SLC19A2: variants seen among roughly 807,000 people sequenced by gnomAD.
SLC19A2 encodes the protein solute carrier family 19 member 2.
SLC19A2 carries 27 observed loss-of-function variants against 44.7 expected under a neutral mutation model. The observed-to-expected ratio is 0.60, with a 90% CI of 0.45 to 0.83. SLC19A2 has a LOEUF of 0.83. SLC19A2 is among the 40% of genes least tolerant of loss of function. The pLI is 0.00. For missense variants in SLC19A2, 566 were observed against 613.7 expected (o/e 0.92, Z 0.82); for synonymous variants, 239 against 243.6 (o/e 0.98, Z 0.18).
At chr1:169,480,723 G>A (rs1571539982) in intron 1 of SLC19A2, among the ~76,000 whole-genome samples, 1 of 152,096 alleles carries the variant, frequency 6.6e-6, no homozygotes, top group African/African-American at 2.4e-5. Flanking sequence ...GTCCTCTACT[G>A]CTCCCTTCAA....
chr1:169,477,989 C>T (rs1432496430), intron 1 of SLC19A2, among the ~76,000 whole-genome samples: 1 of 152,124 alleles, frequency 6.6e-6, no homozygotes, highest in African/African-American at 2.4e-5. Context: ...TCACTGCAAC[C>T]TCTGCCTCCC....
intron 5 of SLC19A2, among the ~76,000 whole-genome samples, chr1:169,466,460 G>A (rs992075728): frequency 6.6e-6 from 1 of 152,088 alleles, no homozygotes; most frequent in Non-Finnish European, 1.5e-5. Flanking sequence ...CCCCAGAAGA[G>A]GGCAGCGGCA....
chr1:169,473,391 C>T (rs1038562053), intron 2 of SLC19A2, among the ~76,000 whole-genome samples: 2 of 149,026 alleles, frequency 1.3e-5, no homozygotes, highest in African/African-American at 2.5e-5. Flanking sequence ...TGCACCACCA[C>T]GCCCAGCTAG....
In SLC19A2 at chr1:169,477,569, A is replaced by G. The variant is rs1339768488; in HGVS notation, c.393T>C (p.Tyr131=). 1 of 1,614,106 alleles carries G rather than the reference A, an allele frequency of 6.2e-7. No individual in the cohort carries two copies. The highest frequency in any genetic ancestry group is 8.5e-7 in the Non-Finnish European group (1 of 1,180,044). ...CAATTTCAGTGGCTGTGGCGATGCC[A>G]TAAAAAAATTCTAGAAATTGAATGG... ...LLAIQFLEFF[Y]GIATATEIAY... The change falls in exon 2 of 6, where the codon TAT becomes TAC. Residue 131 remains tyrosine (Y), a synonymous_variant. Transcript: ENST00000236137.
intron 5 of SLC19A2, among the ~76,000 whole-genome samples, chr1:169,467,640 A>G (rs1026835062): frequency 1.3e-5 from 2 of 152,206 alleles, no homozygotes; most frequent in Non-Finnish European, 2.9e-5. Flanking sequence ...CAATAGTCAT[A>G]AGTTACAAAT....
chr1:169,466,155 G>C (rs578219713), intron 5 of SLC19A2, among the ~76,000 whole-genome samples, 178 bp from the exon 6 acceptor site: 3 of 152,188 alleles, frequency 2.0e-5, no homozygotes, highest in Non-Finnish European at 4.4e-5. Context: ...AAGCCTGACT[G>C]CCTGAGTGTG....
Position 169,465,794 on chromosome 1 carries a change from C to T in SLC19A2, c.*55G>A, listed in dbSNP as rs1475655068. ...CTACGCTTTAAAAAATCAAACACATCCAGGCAGTTGCTGTGCAGAGTTCTT... is the reference window on the plus strand; with the variant it reads ...CTACGCTTTAAAAAATCAAACACATTCAGGCAGTTGCTGTGCAGAGTTCTT... On this transcript the variant is annotated 3_prime_UTR_variant, in exon 6 of 6. Coordinates refer to ENST00000236137, the MANE Select transcript of SLC19A2 (RefSeq NM_006996.3). 1.3e-6 allele frequency: 2 copies of T among 1,599,694 alleles called. No homozygotes were observed. The highest frequency in any genetic ancestry group is 1.7e-6 in the Non-Finnish European group (2 of 1,170,038).
rs1431997097 is a variant in SLC19A2 at position 169,477,393 on chromosome 1, A to G, written c.569T>C (p.Leu190Pro). The G allele has an allele frequency of 1.2e-6, 2 of 1,614,094 alleles. No homozygotes were observed. The highest frequency in any genetic ancestry group is 1.7e-6 in the Non-Finnish European group (2 of 1,180,038). ...VSVAGWSLFS[L>P]NVISLTCVSV... is the part of the protein sequence containing the mutation. Reference sequence around the variant, plus strand: ...AACACAGGTAAGAGAGATGACATTCAGGCTGAACAGCGACCAGCCTGCCAC... The same window carrying G: ...AACACAGGTAAGAGAGATGACATTCGGGCTGAACAGCGACCAGCCTGCCAC... Residue 190 changes from leucine (L) to proline (P), a missense_variant, in exon 2 of 6, where the codon CTG becomes CCG. Leu to Pro is a moderately conservative substitution (Grantham distance 98). Transcript: ENST00000236137.
intron 4 of SLC19A2, 100 bp from the exon 5 acceptor site, chr1:169,468,352 A>C (rs1658085304): frequency 9.3e-7 from 1 of 1,070,048 alleles, no homozygotes. Context: ...AAACATGAAG[A>C]GTCCTTCTTT....
At chr1:169,466,989 G>A (rs1368179360) in intron 5 of SLC19A2, among the ~76,000 whole-genome samples, 1 of 152,126 alleles carries the variant, frequency 6.6e-6, no homozygotes, top group South Asian at 2.1e-4. Flanking sequence ...CACTTCTGCA[G>A]GAAGCCATTA....
At chr1:169,470,385 T>G (rs188338301) in intron 2 of SLC19A2, among the ~76,000 whole-genome samples, 199 bp from the exon 3 acceptor site, 12 of 152,330 alleles carry the variant, frequency 7.9e-5, no homozygotes, top group Admixed American at 5.9e-4. Context: ...AAATGCACTA[T>G]AGCATTAACA....
Position 169,465,748 on chromosome 1 carries a change from T to C in SLC19A2, c.*101A>G, listed in dbSNP as rs962672003. On this transcript the variant is annotated 3_prime_UTR_variant, in exon 6 of 6. Coordinates refer to ENST00000236137, the MANE Select transcript of SLC19A2 (RefSeq NM_006996.3). ...AAGTGGCTGCTGTGAAGTCAAGAAA[T>C]GCACATTCATAAATATATGTCTACG... 32 of 1,327,902 alleles carry C rather than the reference T, an allele frequency of 2.4e-5. No individual in the cohort carries two copies. Among genetic ancestry groups the C allele is most frequent in the Non-Finnish European group, 3.4e-5 (32 of 932,176 alleles). 82.3% of individuals were successfully genotyped at this position (1,327,902 alleles called of 1,614,324 possible). A position where few individuals can be genotyped will look rare whatever the true frequency, so the allele number is the denominator to read the frequency against.
chr1:169,474,752 T>C (rs1020126634), intron 2 of SLC19A2, among the ~76,000 whole-genome samples: 1 of 152,180 alleles, frequency 6.6e-6, no homozygotes, highest in Non-Finnish European at 1.5e-5. Flanking sequence ...TTCTGAATTT[T>C]CTTCATGCTT....
Position 169,485,825 on chromosome 1 carries a change from G to A in SLC19A2, c.-59C>T. 1 of 1,484,138 alleles carries A rather than the reference G, an allele frequency of 6.7e-7. No homozygotes were observed. The highest frequency in any genetic ancestry group is 8.9e-7 in the Non-Finnish European group (1 of 1,120,420). The allele number at this position is 1,484,138 out of a possible 1,614,324, so 91.9% of individuals were successfully genotyped here. On this transcript the variant is annotated 5_prime_UTR_variant, in exon 1 of 6. Coordinates refer to ENST00000236137, the MANE Select transcript of SLC19A2 (RefSeq NM_006996.3). ...CCTTCCTTCTCCTCCTCCGCCAACTGGAGTGAGGGTCAGGCACTTGTAACC... is the reference window on the plus strand; with the variant it reads ...CCTTCCTTCTCCTCCTCCGCCAACTAGAGTGAGGGTCAGGCACTTGTAACC...
chr1:169,471,719 A>ATG (rs1269951734), intron 2 of SLC19A2, among the ~76,000 whole-genome samples: 1 of 103,040 alleles, frequency 9.7e-6, no homozygotes, highest in Non-Finnish European at 2.0e-5. Context: ...CACACACCAT[A>ATG]TATATCATTT....
chr1:169,465,853 G>A lies in SLC19A2; in HGVS notation c.1490C>T (p.Ser497Leu). The A allele has an allele frequency of 6.2e-7, 1 of 1,613,892 alleles. No homozygotes were observed. Among genetic ancestry groups the A allele is most frequent in the Non-Finnish European group, 8.5e-7 (1 of 1,179,870 alleles). Residue 497 changes from serine to leucine, a missense_variant, in exon 6 of 6, where the codon TCA becomes TTA. Transcript: ENST00000236137. ...DPQSSSQVTT[S>L] ...AAGAAGCCCTTCAGCAGTATATTAT[G>A]AAGTGGTTACTTGAGAACTTGATTG...
chr1:169,470,617 T>C (rs1420494459), intron 2 of SLC19A2, among the ~76,000 whole-genome samples: 1 of 152,180 alleles, frequency 6.6e-6, no homozygotes, highest in Non-Finnish European at 1.5e-5. Context: ...ATCCAACAGT[T>C]AAGATAGAAA....
chr1:169,466,831 C>T (rs944145872), intron 5 of SLC19A2, among the ~76,000 whole-genome samples: 2 of 151,846 alleles, frequency 1.3e-5, no homozygotes, highest in East Asian at 1.9e-4. Flanking sequence ...ATGCCCTAAG[C>T]GAAATTTTAA....
chr1:169,485,605 G>A lies in SLC19A2; in HGVS notation c.162C>T (p.Thr54=). Residue 54 remains threonine (T), a synonymous_variant, in exon 1 of 6, where the codon ACC becomes ACT. Transcript: ENST00000236137. ...ASLRPSEPFL[T]PYLLGPDKNL... ...TCTTGTCCGGCCCCAGCAGGTACGG[G>A]GTCAGGAAGGGCTCGGACGGCCTGA... 2 of 1,581,672 alleles carry A rather than the reference G, an allele frequency of 1.3e-6. No homozygotes were observed. Among genetic ancestry groups the A allele is most frequent in the Non-Finnish European group, 1.7e-6 (2 of 1,164,016 alleles).
Sources: gnomAD v4.1 joint callset for allele counts (sites outside exome capture counted in the v4.1 genomes callset) on GRCh38, gnomAD v4.1.1 for gene constraint, MANE v1.5 for transcripts, NCBI Gene and HGNC (gene_info 2026-07-23, HGNC 2026-07-21) for gene names.